Variants in BCL11A observed in about 807,000 individuals in gnomAD.
The protein encoded by BCL11A is B cell CLL/lymphoma 11A.
In BCL11A, 2 loss-of-function variants were observed where a neutral mutation model predicts 55.9. The observed-to-expected ratio is 0.04, with a 90% confidence interval of 0.01 to 0.11. BCL11A has a LOEUF of 0.11. BCL11A is among the 10% of genes least tolerant of loss of function. The probability of loss-of-function intolerance (pLI) is 1.00; values close to 1 mark genes in which losing one functional copy is unlikely to be tolerated. For missense variants in BCL11A, 817 were observed against 1,137.1 expected (o/e 0.72, Z 4.05); for synonymous variants, 465 against 473.4 (o/e 0.98, Z 0.23).
rs1253180132 is a variant in BCL11A at position 60,458,702 on chromosome 2, C to T, written c.*1702G>A. On this transcript the variant is annotated 3_prime_UTR_variant, in exon 4 of 4. Transcript: ENST00000642384. ...TTTCCCTTAAGTATAGACCTGTAAACTGGGAAAATTGTACAGTGCACTTAA... is the reference window on the plus strand; with the variant it reads ...TTTCCCTTAAGTATAGACCTGTAAATTGGGAAAATTGTACAGTGCACTTAA... 9.7e-7 allele frequency: 1 copy of T among 1,028,196 alleles called. No homozygotes were observed. Among genetic ancestry groups the T allele is most frequent in the Admixed American group, 5.8e-5 (1 of 17,296 alleles). 63.7% of individuals were successfully genotyped at this position (1,028,196 alleles called of 1,614,324 possible).
chr2:60,481,693 T>A (rs1424291145), intron 2 of BCL11A, among the ~76,000 whole-genome samples: 2 of 152,204 alleles, frequency 1.3e-5, no homozygotes, highest in Non-Finnish European at 2.9e-5. Flanking sequence ...TTTCCCCACA[T>A]GCTCCAGCAC....
At chr2:60,505,688 G>A (rs539498098) in intron 2 of BCL11A, among the ~76,000 whole-genome samples, 2 of 152,306 alleles carry the variant, frequency 1.3e-5, no homozygotes, top group South Asian at 2.1e-4. Flanking sequence ...CCCTCCACAT[G>A]CATTCCCACC....
At chr2:60,510,799 T>C (rs1679937085) in intron 2 of BCL11A, among the ~76,000 whole-genome samples, 1 of 152,238 alleles carries the variant, frequency 6.6e-6, no homozygotes, top group African/African-American at 2.4e-5. Flanking sequence ...CTGGGGGCAC[T>C]TTAGCTTTGG....
intron 2 of BCL11A, among the ~76,000 whole-genome samples, chr2:60,481,594 G>C (rs1210429763): frequency 2.0e-5 from 3 of 152,158 alleles, no homozygotes; most frequent in African/African-American, 7.2e-5. Flanking sequence ...AAGAGCAACT[G>C]CAGCAGAAAC....
At chr2:60,470,434 C>A (rs971554552) in intron 2 of BCL11A, among the ~76,000 whole-genome samples, 1 of 152,170 alleles carries the variant, frequency 6.6e-6, no homozygotes, top group African/African-American at 2.4e-5. Context: ...TTTGCCTCAG[C>A]CGTTCACTAA....
chr2:60,503,912 G>A (rs1679429626), intron 2 of BCL11A, among the ~76,000 whole-genome samples: 1 of 152,038 alleles, frequency 6.6e-6, no homozygotes, highest in African/African-American at 2.4e-5. Flanking sequence ...CTGCTTCGTT[G>A]ATTCTAGAAA....
In BCL11A at chr2:60,502,318, C is replaced by T. The variant is rs1010265112; in HGVS notation, c.386-33485G>A. 1.1e-4 allele frequency among the ~76,000 whole-genome samples: 17 copies of T among 152,180 alleles called. 1 individual carries two copies. Among genetic ancestry groups the T allele is most frequent in the Admixed American group, 6.5e-4 (10 of 15,286 alleles). On this transcript the variant is annotated intron_variant, in intron 2 of 3. Transcript: ENST00000642384. ...TCAGGGAGTAGGTAAACAGTGTGAACGTGTCAGCTCCCTCCTGGCTCTCCT... is the reference window on the plus strand; with the variant it reads ...TCAGGGAGTAGGTAAACAGTGTGAATGTGTCAGCTCCCTCCTGGCTCTCCT...
At chr2:60,541,146 G>C (rs1232957698) in intron 2 of BCL11A, among the ~76,000 whole-genome samples, 1 of 152,120 alleles carries the variant, frequency 6.6e-6, no homozygotes, top group Non-Finnish European at 1.5e-5. Context: ...GTAACAGCAG[G>C]AGACAGAAAA....
At chr2:60,489,454 C>T (rs1457927224) in intron 2 of BCL11A, among the ~76,000 whole-genome samples, 2 of 152,218 alleles carry the variant, frequency 1.3e-5, no homozygotes, top group Non-Finnish European at 2.9e-5. Context: ...CACACGGCGG[C>T]CCTGCGTGCC....
At chr2:60,469,846 A>T (rs1285694757) in intron 2 of BCL11A, among the ~76,000 whole-genome samples, 1 of 152,210 alleles carries the variant, frequency 6.6e-6, no homozygotes. Flanking sequence ...TAGATGGTGC[A>T]GGAGACGCTC....
chr2:60,550,231 T>C (rs867649311), intron 1 of BCL11A, among the ~76,000 whole-genome samples: 1 of 152,138 alleles, frequency 6.6e-6, no homozygotes, highest in Non-Finnish European at 1.5e-5. Context: ...AACTGCACCG[T>C]GCTCCGAGCC....
At chr2:60,509,752 G>C (rs1679878745) in intron 2 of BCL11A, among the ~76,000 whole-genome samples, 1 of 151,902 alleles carries the variant, frequency 6.6e-6, no homozygotes. Context: ...AGTCAACTGG[G>C]GCTCTCCGAA....
At chr2:60,517,784 A>G (rs933764629) in intron 2 of BCL11A, among the ~76,000 whole-genome samples, 11 of 152,228 alleles carry the variant, frequency 7.2e-5, no homozygotes, top group Admixed American at 2.6e-4. Flanking sequence ...CTGTAAAATG[A>G]CAGGGTTAAT....
intron 2 of BCL11A, chr2:60,535,538 C>G (rs1669631352): frequency 6.6e-6 from 1 of 152,268 alleles, no homozygotes; most frequent in African/African-American, 2.4e-5. Flanking sequence ...TCCACCCTTC[C>G]AAAAAGCCTT....
chr2:60,553,168 G>A (rs1368705672), intron 1 of BCL11A, 48 bp downstream of exon 1: 37 of 1,554,322 alleles, frequency 2.4e-5, no homozygotes, highest in Non-Finnish European at 3.0e-5. Context: ...AGTCCTGCGC[G>A]CTCTCGTGAT....
intron 2 of BCL11A, among the ~76,000 whole-genome samples, chr2:60,519,842 CAA>C (rs1184042198): frequency 1.3e-5 from 2 of 152,204 alleles, no homozygotes. Context: ...TCAGTGAAGA[CAA>C]AGAGATCGTT....
exon 5 of BCL11A, chr2:60,451,306 G>A (rs1675714108): frequency 4.4e-6 from 1 of 227,266 alleles, no homozygotes; most frequent in African/African-American, 2.2e-5. Flanking sequence ...GCCTGTATGT[G>A]AATCTACAGC....
chr2:60,507,385 G>A (rs983264134), intron 2 of BCL11A, among the ~76,000 whole-genome samples: 1 of 133,326 alleles, frequency 7.5e-6, no homozygotes, highest in Non-Finnish European at 1.6e-5. Flanking sequence ...AAGGGAGGGA[G>A]GGAAGGAGGG....
chr2:60,503,244 T>TCTGACCAGGTGGAAAG (rs1679394370), intron 2 of BCL11A, among the ~76,000 whole-genome samples: 1 of 152,182 alleles, frequency 6.6e-6, no homozygotes, highest in Admixed American at 6.5e-5. Context: ...CTCAGGAGGC[T>TCTGACCAGGTGGAAAG]CTGACCAGGT....
Sources: allele counts gnomAD v4.1 joint callset (sites outside exome capture counted in the v4.1 genomes callset), GRCh38; gene constraint gnomAD v4.1.1; transcripts MANE v1.5; gene names NCBI Gene and HGNC (gene_info 2026-07-23, HGNC 2026-07-21).